The following NECAB2 variants were observed in gnomAD, a reference collection of about 807,000 sequenced individuals.
NECAB2 encodes N-terminal EF-hand calcium binding protein 2.
A neutral mutation model predicts 51.9 loss-of-function variants in NECAB2; 68 were observed. The ratio of observed to expected loss-of-function variants is 1.31; its 90% CI spans 1.08 to 1.60. The LOEUF is 1.60. NECAB2 is among the 40% of genes most tolerant of loss of function. NECAB2 has a pLI of 0.00. For missense variants in NECAB2, 854 were observed against 490.3 expected (o/e 1.74, Z -7.00); for synonymous variants, 329 against 203.5 (o/e 1.62, Z -5.25).
intron 6 of NECAB2, among the ~76,000 whole-genome samples, chr16:83,991,300 T>C (rs1028096906): frequency 6.6e-6 from 1 of 151,744 alleles, no homozygotes; most frequent in African/African-American, 2.4e-5. Flanking sequence ...TCTTTCTCTC[T>C]CTCTCTTTCT....
intron 5 of NECAB2, among the ~76,000 whole-genome samples, chr16:83,985,682 T>A (rs1281010965): frequency 6.6e-6 from 1 of 151,936 alleles, no homozygotes; most frequent in Non-Finnish European, 1.5e-5. Context: ...CAATCACAGA[T>A]GTTAATGTGT....
rs34348308 is a variant in NECAB2 at position 83,994,362 on chromosome 16, C to G, written c.657C>G (p.Pro219=). Residue 219 remains proline (P), a synonymous_variant, in exon 7 of 13, where the codon CCC becomes CCG. Coordinates refer to ENST00000305202, the MANE Select transcript of NECAB2 (RefSeq NM_019065.3). ...AAQTWCGSPT[P]ASAPNHKLMA... ...AGACCTGGTGTGGAAGCCCCACTCC[C>G]GCCTCTGCCCCCAACCACAAGCTCA... is the stretch of plus-strand genomic sequence containing the variant. 182 of 1,614,098 alleles carry G rather than the reference C, an allele frequency of 1.1e-4. No individual in the cohort carries two copies. In the African/African-American group the frequency reaches 2.1e-3, roughly 19 times the overall value.
chr16:83,999,620 C>T (rs2084780953), intron 10 of NECAB2, among the ~76,000 whole-genome samples: 1 of 151,468 alleles, frequency 6.6e-6, no homozygotes, highest in African/African-American at 2.5e-5. Flanking sequence ...TTGGGGCTTC[C>T]TCATTGTAGT....
chr16:83,978,648 G>T (rs945990259), intron 3 of NECAB2, 96 bp downstream of exon 3: 2 of 1,082,296 alleles, frequency 1.8e-6, no homozygotes. Flanking sequence ...CCTGTAAGGG[G>T]CAGGAGAACT....
rs1292763964 is a variant in NECAB2, at chr16:83,968,641, G to A, written c.-8G>A. On this transcript the variant is annotated 5_prime_UTR_variant, in exon 1 of 13. Coordinates refer to ENST00000305202, the MANE Select transcript of NECAB2 (RefSeq NM_019065.3). ...GGGCTTCCGGGCGGCGGCGGCGGGC[G>A]CGGCGCGATGTGCGAGCGGGCGGCG... 9.2e-6 allele frequency: 9 copies of A among 979,848 alleles called. No individual in the cohort carries two copies. The highest frequency in any genetic ancestry group is 1.1e-5 in the Non-Finnish European group (9 of 827,802). 60.7% of individuals were successfully genotyped at this position (979,848 alleles called of 1,614,324 possible).
upstream of NECAB2, chr16:83,965,955 C>T: frequency 6.2e-7 from 1 of 1,609,856 alleles, no homozygotes; most frequent in Non-Finnish European, 8.5e-7. Flanking sequence ...CAGGGGGGCG[C>T]CTTGGCTGTG....
At chr16:83,983,419 A>G (rs1430263383) in intron 5 of NECAB2, among the ~76,000 whole-genome samples, 2 of 152,046 alleles carry the variant, frequency 1.3e-5, no homozygotes, top group Non-Finnish European at 2.9e-5. Flanking sequence ...CTGATTTTCG[A>G]GTGCATCTCT....
intron 8 of NECAB2, 27 bp downstream of exon 8, chr16:83,994,715 T>C (rs2084673032): frequency 3.7e-6 from 6 of 1,612,122 alleles, no homozygotes; most frequent in Non-Finnish European, 4.2e-6. Flanking sequence ...CCACGGCGTC[T>C]ACTCCTTCCA....
At chr16:83,998,683 C>A (rs746000893) in intron 10 of NECAB2, among the ~76,000 whole-genome samples, 4 of 152,224 alleles carry the variant, frequency 2.6e-5, no homozygotes, top group Admixed American at 1.3e-4. Context: ...GCTGCTGTCA[C>A]AGGGGTTCCT....
At chr16:83,997,297 G>T (rs1353576182) in intron 9 of NECAB2, 28 bp downstream of exon 9, 1 of 1,613,802 alleles carries the variant, frequency 6.2e-7, no homozygotes, top group Non-Finnish European at 8.5e-7. Flanking sequence ...CTCTCTTCTG[G>T]GACCACATCC....
rs1038684955 is a variant in NECAB2, at chr16:84,002,665, G to A, written c.*319G>A. On this transcript the variant is annotated 3_prime_UTR_variant, in exon 13 of 13. Coordinates refer to ENST00000305202, the MANE Select transcript of NECAB2 (RefSeq NM_019065.3). ...GCATGACCCACACTGACCACACCCT[G>A]CCCTCTTCGGTGACATTCTTCTACC... The A allele has an allele frequency of 3.2e-5, 14 of 442,424 alleles. No individual in the cohort carries two copies. Among genetic ancestry groups the A allele is most frequent in the African/African-American group, 2.6e-4 (13 of 50,092 alleles). 27.4% of individuals were successfully genotyped at this position (442,424 alleles called of 1,614,324 possible).
intron 5 of NECAB2, among the ~76,000 whole-genome samples, chr16:83,986,679 ATT>A (rs113038465): frequency 0.14 from 18,760 of 134,882 alleles, 2,363 homozygotes; most frequent in African/African-American, 0.35. Flanking sequence ...CTCACGGCAA[ATT>A]TTTTTTTTTT....
chr16:83,966,289 C>T (rs758647848), upstream of NECAB2: 4 of 479,860 alleles, frequency 8.3e-6, no homozygotes, highest in Non-Finnish European at 1.5e-5. Flanking sequence ...TGCAGCCCTG[C>T]GCCTTCCAGA....
intron 8 of NECAB2, among the ~76,000 whole-genome samples, chr16:83,996,807 G>A (rs2084707065): frequency 6.6e-6 from 1 of 152,180 alleles, no homozygotes; most frequent in South Asian, 2.1e-4. Context: ...GAGTCTGGAA[G>A]ATTGTGTATT....
chr16:83,985,447 A>G (rs902673029), intron 5 of NECAB2, among the ~76,000 whole-genome samples: 66 of 151,822 alleles, frequency 4.3e-4, no homozygotes, highest in African/African-American at 1.6e-3. Flanking sequence ...AGCCTGGCCA[A>G]CATGGTGAAA....
rs376727485 is a variant in NECAB2, at chr16:84,001,857, G to T, written c.1073G>T (p.Arg358Leu). 1.2e-6 allele frequency: 2 copies of T among 1,614,110 alleles called. No individual in the cohort carries two copies. Among genetic ancestry groups the T allele is most frequent in the East Asian group, 2.2e-5 (1 of 44,882 alleles). The change falls in exon 12 of 13, where the codon CGG becomes CTG. Residue 358 changes from arginine to leucine, a missense_variant. Arg to Leu is a moderately radical substitution (Grantham distance 102). Transcript: ENST00000305202. The part of the protein sequence containing the change: ...HLQSPLCKAF[R>L]HVKVDTLSQP... ...CAGAGCCCCCTGTGTAAGGCGTTCC[G>T]GCACGTCAAGGTGGACACACTGAGC... is the stretch of plus-strand genomic sequence containing the variant.
chr16:83,989,963 C>A (rs1487720038), intron 5 of NECAB2, among the ~76,000 whole-genome samples: 1 of 152,166 alleles, frequency 6.6e-6, no homozygotes, highest in Non-Finnish European at 1.5e-5. Context: ...TTGTCATTTT[C>A]CTTAGTAGCA....
chr16:83,997,490 T>TC (rs1235764633), intron 9 of NECAB2, among the ~76,000 whole-genome samples: 1 of 137,480 alleles, frequency 7.3e-6, no homozygotes, highest in African/African-American at 2.7e-5. Flanking sequence ...TTTTTTTTTT[T>TC]TTTTTTTTTT....
Position 83,968,621 on chromosome 16 carries a change from T to TCCGGGCGGCGGCGGCGGGCGC in NECAB2, c.-27_-7dup. On this transcript the variant is annotated 5_prime_UTR_variant, in exon 1 of 13. Transcript: ENST00000305202. ...GCAGCTGGGCGGGGGTCGGCGGGCT[T>TCCGGGCGGCGGCGGCGGGCGC]CCGGGCGGCGGCGGCGGGCGCGGCG... The TCCGGGCGGCGGCGGCGGGCGC allele has an allele frequency of 1.0e-6, 1 of 977,430 alleles. No individual in the cohort carries two copies. The highest frequency in any genetic ancestry group is 1.8e-5 in the African/African-American group (1 of 55,810). The allele number at this position is 977,430 out of a possible 1,614,324, so 60.5% of individuals were successfully genotyped here.
Sources: allele counts gnomAD v4.1 joint callset (sites outside exome capture counted in the v4.1 genomes callset), GRCh38; gene constraint gnomAD v4.1.1; transcripts MANE v1.5; gene names NCBI Gene and HGNC (gene_info 2026-07-23, HGNC 2026-07-21).